RORA: variants seen among roughly 807,000 people sequenced by gnomAD.
RORA encodes RAR related orphan receptor A.
In RORA, 7 loss-of-function variants were observed where a neutral mutation model predicts 69.5. That is an observed-to-expected ratio of 0.10 (90% CI 0.06 to 0.19). The LOEUF is 0.19. Among genes scored for constraint, RORA ranks in the 10% least tolerant of loss-of-function variants. The probability of loss-of-function intolerance (pLI) is 1.00; values close to 1 mark genes in which losing one functional copy is unlikely to be tolerated. For synonymous variants in RORA, 261 were observed against 240.8 expected (o/e 1.08, Z -0.78); for missense variants, 457 against 663.0 (o/e 0.69, Z 3.41).
chr15:60,900,272 C>T (rs1218376947), intron 1 of RORA, among the ~76,000 whole-genome samples: 1 of 152,228 alleles, frequency 6.6e-6, no homozygotes, highest in Non-Finnish European at 1.5e-5. Context: ...TGTATGCTCA[C>T]ATACAGATTT....
At chr15:60,766,554 C>T (rs1459088330) in intron 1 of RORA, among the ~76,000 whole-genome samples, 2 of 152,106 alleles carry the variant, frequency 1.3e-5, no homozygotes, top group African/African-American at 4.8e-5. Context: ...CATTTGAAAG[C>T]ATCAAAGTTC....
chr15:60,850,342 G>T (rs984081496), intron 1 of RORA, among the ~76,000 whole-genome samples: 3 of 152,132 alleles, frequency 2.0e-5, no homozygotes, highest in African/African-American at 7.2e-5. Flanking sequence ...CTAATTTGCA[G>T]GCATGGGAGG....
At chr15:60,588,817 A>C (rs927126809) in intron 2 of RORA, among the ~76,000 whole-genome samples, 7 of 152,224 alleles carry the variant, frequency 4.6e-5, no homozygotes, top group Non-Finnish European at 2.9e-5. Context: ...TTCTCAATTC[A>C]AATCGTGGGC....
At chr15:60,585,553 G>C (rs2068309537) in intron 2 of RORA, among the ~76,000 whole-genome samples, 1 of 151,820 alleles carries the variant, frequency 6.6e-6, no homozygotes. Flanking sequence ...TTTAAAAAGG[G>C]GAAACGCTGA....
At chr15:60,877,883 G>A (rs2073635611) in intron 1 of RORA, among the ~76,000 whole-genome samples, 1 of 152,062 alleles carries the variant, frequency 6.6e-6, no homozygotes. Flanking sequence ...ATAGATCAGT[G>A]GTGCTCTAAT....
chr15:60,823,171 C>T (rs187565806), intron 1 of RORA, among the ~76,000 whole-genome samples: 1 of 148,878 alleles, frequency 6.7e-6, no homozygotes, highest in East Asian at 2.0e-4. Flanking sequence ...TTTCTCCCTT[C>T]CTTTCCTCCT....
intron 1 of RORA, among the ~76,000 whole-genome samples, chr15:61,090,828 C>T (rs192983869): frequency 2.1e-4 from 32 of 152,188 alleles, no homozygotes; most frequent in Non-Finnish European, 4.1e-4. Flanking sequence ...CTGTTATTCA[C>T]CCCTGCCTGA....
At chr15:61,211,563 T>C (rs2079992226) in intron 1 of RORA, among the ~76,000 whole-genome samples, 2 of 152,148 alleles carry the variant, frequency 1.3e-5, no homozygotes, top group Non-Finnish European at 2.9e-5. Context: ...GGCCTCTAAT[T>C]TCACAGCACA....
intron 1 of RORA, among the ~76,000 whole-genome samples, chr15:61,110,584 A>T (rs530112223): frequency 7.0e-4 from 107 of 152,128 alleles, no homozygotes; most frequent in Non-Finnish European, 1.4e-3. Context: ...GATATTCCAG[A>T]AGGAGGCATT....
chr15:60,863,018 A>C (rs1446896281), intron 1 of RORA, among the ~76,000 whole-genome samples: 1 of 152,190 alleles, frequency 6.6e-6, no homozygotes, highest in Non-Finnish European at 1.5e-5. Context: ...GAGTCTTGCT[A>C]TATCTAAACT....
intron 2 of RORA, among the ~76,000 whole-genome samples, chr15:60,614,130 AAAATAGAG>A (rs1226849571): frequency 1.3e-5 from 2 of 152,126 alleles, no homozygotes; most frequent in African/African-American, 4.8e-5. Context: ...ATTTAAGTGA[AAAATAGAG>A]AATTGTGTGA....
Position 61,168,474 on chromosome 15 carries a change from T to G in RORA, c.166+60579A>C, listed in dbSNP as rs113105539. On this transcript the variant is annotated intron_variant, in intron 1 of 10. Coordinates refer to ENST00000335670, the MANE Select transcript of RORA (RefSeq NM_134261.3). ...GGGTTTCGCCATGTTAGCCAGGCTG[T>G]TCCCGAACTCCTGAGCTCAAGTTAT... Among the ~76,000 whole-genome samples, 166 of 152,214 alleles carry G rather than the reference T, an allele frequency of 1.1e-3. 1 individual carries two copies. The highest frequency in any genetic ancestry group is 3.9e-3 in the African/African-American group (163 of 41,532).
intron 1 of RORA, among the ~76,000 whole-genome samples, chr15:61,005,683 A>G (rs1265343940): frequency 6.6e-6 from 1 of 152,186 alleles, no homozygotes; most frequent in Non-Finnish European, 1.5e-5. Flanking sequence ...ATGTACTTGC[A>G]TTACTTAACA....
At chr15:60,965,005 A>C (rs1398331681) in intron 1 of RORA, among the ~76,000 whole-genome samples, 2 of 152,172 alleles carry the variant, frequency 1.3e-5, no homozygotes, top group Non-Finnish European at 2.9e-5. Flanking sequence ...ACCAAAGAGA[A>C]GCTTCTCTTG....
At position 61,229,060 on chromosome 15, in the gene RORA, G is replaced by T; in HGVS notation, c.159C>A (p.Thr53=). Reference sequence around the variant, plus strand: ...CCCTCTCCAGCCTCCTACCTCTGCTGGTGCTGGAATAGCTCTGTCTGCGCA... The same window carrying T: ...CCCTCTCCAGCCTCCTACCTCTGCTTGTGCTGGAATAGCTCTGTCTGCGCA... The part of the protein sequence containing the change: ...APVRRQSYSS[T]SRGISVTKKT... The change falls in exon 1 of 11, where the codon ACC becomes ACA. Residue 53 remains threonine, a synonymous_variant. Coordinates refer to ENST00000335670, the MANE Select transcript of RORA (RefSeq NM_134261.3). The T allele has an allele frequency of 6.6e-7, 1 of 1,524,438 alleles. No homozygotes were observed. The highest frequency in any genetic ancestry group is 8.8e-7 in the Non-Finnish European group (1 of 1,136,060). 94.4% of individuals were successfully genotyped at this position (1,524,438 alleles called of 1,614,324 possible).
intron 1 of RORA, among the ~76,000 whole-genome samples, chr15:60,708,687 T>G (rs1345304591): frequency 6.6e-6 from 1 of 152,188 alleles, no homozygotes; most frequent in Non-Finnish European, 1.5e-5. Flanking sequence ...GCCTTTTCAG[T>G]TCCCTACACT....
At chr15:60,850,206 C>T (rs1159492203) in intron 1 of RORA, among the ~76,000 whole-genome samples, 4 of 152,162 alleles carry the variant, frequency 2.6e-5, no homozygotes, top group East Asian at 1.9e-4. Context: ...TGTTTAGGGT[C>T]GAAATAACAT....
At chr15:60,733,553 G>C (rs1387603827) in intron 1 of RORA, among the ~76,000 whole-genome samples, 1 of 152,152 alleles carries the variant, frequency 6.6e-6, no homozygotes, top group Non-Finnish European at 1.5e-5. Context: ...GGGGATTAAA[G>C]AGGATATTCC....
In RORA at chr15:60,594,964, T is replaced by C. The variant is rs150856769; in HGVS notation, c.197-63113A>G. On this transcript the variant is annotated intron_variant, in intron 2 of 10. Transcript: ENST00000335670. ...ATGCCTCTATTAAATGTCTTCAGCT[T>C]TTAACCCAGGTTATATTACTGTTCT... 2.5e-3 allele frequency among the ~76,000 whole-genome samples: 385 copies of C among 152,308 alleles called. 2 individuals are homozygous for C. The highest frequency in any genetic ancestry group is 8.9e-3 in the African/African-American group (371 of 41,570).
Sources: allele counts gnomAD v4.1 joint callset (sites outside exome capture counted in the v4.1 genomes callset), GRCh38; gene constraint gnomAD v4.1.1; transcripts MANE v1.5; gene names NCBI Gene and HGNC (gene_info 2026-07-23, HGNC 2026-07-21).